Variants in ITPRID1 observed in about 807,000 individuals in gnomAD.
ITPRID1 encodes the protein protein ITPRID1.
Under a neutral mutation model 95.4 loss-of-function variants are expected in ITPRID1, and 96 were observed. The ratio of observed to expected loss-of-function variants is 1.01; its 90% CI spans 0.85 to 1.19. The LOEUF is 1.19. Among genes scored for constraint, ITPRID1 ranks in the 50% most tolerant of loss-of-function variants. ITPRID1 has a pLI of 0.00. For missense variants in ITPRID1, 1,339 were observed against 1,252.9 expected (o/e 1.07, Z -1.04); for synonymous variants, 510 against 453.6 (o/e 1.12, Z -1.58).
intron 10 of ITPRID1, among the ~76,000 whole-genome samples, chr7:31,625,450 T>G (rs1231920322): frequency 5.3e-5 from 8 of 152,182 alleles, no homozygotes; most frequent in East Asian, 1.9e-4. Flanking sequence ...CCATAAAAAA[T>G]GATGAGTTCA....
intron 10 of ITPRID1, 28 bp downstream of exon 10, chr7:31,583,219 C>T (rs1161416479): frequency 1.4e-6 from 2 of 1,473,570 alleles, no homozygotes; most frequent in African/African-American, 1.4e-5. Context: ...TGTGTGATCT[C>T]ATCAATGGTC....
intron 10 of ITPRID1, among the ~76,000 whole-genome samples, chr7:31,596,315 T>C (rs890198805): frequency 1.5e-4 from 23 of 151,494 alleles, no homozygotes; most frequent in Non-Finnish European, 3.4e-4. Context: ...TTCTTGTTTA[T>C]GTAAGTATTT....
intron 10 of ITPRID1, among the ~76,000 whole-genome samples, chr7:31,598,145 A>G (rs1308073267): frequency 6.6e-6 from 1 of 152,204 alleles, no homozygotes. Flanking sequence ...AAAGTAAGGC[A>G]TTGGTACTTA....
At chr7:31,552,127 A>G (rs1307512325) in intron 2 of ITPRID1, among the ~76,000 whole-genome samples, 1 of 142,932 alleles carries the variant, frequency 7.0e-6, no homozygotes, top group African/African-American at 2.5e-5. Context: ...TCCTGCTCTT[A>G]CTCTGCTAGT....
intron 6 of ITPRID1, 41 bp from the exon 7 acceptor site, chr7:31,572,061 T>C: frequency 7.5e-7 from 1 of 1,325,562 alleles, no homozygotes; most frequent in Non-Finnish European, 1.1e-6. Context: ...GGAGACTATC[T>C]AAATCAACAC....
At chr7:31,590,510 A>G (rs1785818754) in intron 10 of ITPRID1, among the ~76,000 whole-genome samples, 1 of 152,330 alleles carries the variant, frequency 6.6e-6, no homozygotes, top group South Asian at 2.1e-4. Flanking sequence ...TACAAAGTCA[A>G]TATGTGGCAA....
At chr7:31,572,766 T>C (rs1048495828) in intron 7 of ITPRID1, among the ~76,000 whole-genome samples, 14 of 152,194 alleles carry the variant, frequency 9.2e-5, no homozygotes, top group African/African-American at 3.4e-4. Context: ...AAGTTAATGA[T>C]ATTTTCATGA....
chr7:31,611,600 A>G (rs999687508), intron 10 of ITPRID1, among the ~76,000 whole-genome samples: 5 of 144,132 alleles, frequency 3.5e-5, no homozygotes, highest in African/African-American at 1.3e-4. Context: ...AGAATTCTAT[A>G]TTCTATATTC....
In ITPRID1 at chr7:31,651,232, C is replaced by G. The variant is rs1383587539; in HGVS notation, c.2674C>G (p.Gln892Glu). Residue 892 changes from glutamine to glutamate, a missense_variant, in exon 13 of 15, where the codon CAG (glutamine) becomes GAG (glutamate). By Grantham distance (29) the Gln-to-Glu change is conservative. Coordinates refer to ENST00000615280, the MANE Select transcript of ITPRID1 (RefSeq NM_001257967.3). ...AATTGAACAGCACCTTATGGGACAG[C>G]AGGCCCTCTTTTCCAGGGACATGTC... is the stretch of plus-strand genomic sequence containing the variant. ...EEIEQHLMGQ[Q>E]ALFSRDMSEE... 1.2e-6 allele frequency: 2 copies of G among 1,613,426 alleles called. No homozygotes were observed. Among genetic ancestry groups the G allele is most frequent in the Non-Finnish European group, 1.7e-6 (2 of 1,179,596 alleles).
intron 10 of ITPRID1, among the ~76,000 whole-genome samples, chr7:31,592,072 T>G (rs1208663555): frequency 2.0e-5 from 3 of 152,084 alleles, no homozygotes; most frequent in Non-Finnish European, 2.9e-5. Flanking sequence ...TTTAGAAGGG[T>G]AAGAAAATGT....
chr7:31,637,942 G>A (rs188036111), intron 10 of ITPRID1, among the ~76,000 whole-genome samples: 1 of 152,250 alleles, frequency 6.6e-6, no homozygotes, highest in African/African-American at 2.4e-5. Context: ...TCCAGTTTCA[G>A]CTTTCTACAG....
chr7:31,600,958 A>C (rs1786368121), intron 10 of ITPRID1, among the ~76,000 whole-genome samples: 1 of 152,070 alleles, frequency 6.6e-6, no homozygotes, highest in Non-Finnish European at 1.5e-5. Context: ...CAAGATTCCT[A>C]GTGGGTTGGG....
chr7:31,559,481 C>T (rs570418658), intron 5 of ITPRID1, among the ~76,000 whole-genome samples: 2 of 152,136 alleles, frequency 1.3e-5, no homozygotes, highest in African/African-American at 2.4e-5. Flanking sequence ...GCCAACATGG[C>T]AAAATCCTGT....
chr7:31,628,607 G>A (rs1489057985), intron 10 of ITPRID1, among the ~76,000 whole-genome samples: 17 of 151,916 alleles, frequency 1.1e-4, no homozygotes, highest in Admixed American at 6.6e-5. Context: ...ACAGGCGCCC[G>A]CCACCACGCC....
At chr7:31,599,857 G>A (rs1385527691) in intron 10 of ITPRID1, among the ~76,000 whole-genome samples, 2 of 151,600 alleles carry the variant, frequency 1.3e-5, no homozygotes, top group South Asian at 2.1e-4. Flanking sequence ...CACCACGCCC[G>A]GCTAAGTTTT....
chr7:31,649,427 A>G (rs1790764571), intron 12 of ITPRID1, among the ~76,000 whole-genome samples: 1 of 152,204 alleles, frequency 6.6e-6, no homozygotes, highest in Admixed American at 6.5e-5. Context: ...CCTTTAAAGC[A>G]CACCACAGAA....
intron 1 of ITPRID1, among the ~76,000 whole-genome samples, chr7:31,531,830 T>A (rs924928225): frequency 2.6e-5 from 4 of 151,794 alleles, no homozygotes; most frequent in Non-Finnish European, 5.9e-5. Context: ...GACTCTGATG[T>A]TGATCATTAG....
At chr7:31,568,179 T>A (rs780815855) in intron 5 of ITPRID1, among the ~76,000 whole-genome samples, 4 of 152,056 alleles carry the variant, frequency 2.6e-5, no homozygotes, top group Non-Finnish European at 5.9e-5. Flanking sequence ...CCAGTCTTTA[T>A]CCTTCTAGAC....
At position 31,516,699 on chromosome 7, in the gene ITPRID1, T is replaced by G. The variant is rs572017873; in HGVS notation, c.-98+2579T>G. On this transcript the variant is annotated intron_variant, in intron 1 of 14. Coordinates refer to ENST00000615280, the MANE Select transcript of ITPRID1 (RefSeq NM_001257967.3). ...ACTCAATTAGAGCCTATGTGTCCAT[T>G]TGCACTTTCTACAACAGAAGTTTTT... is the stretch of plus-strand genomic sequence containing the variant. Among the ~76,000 whole-genome samples, 4 of 152,306 alleles carry G rather than the reference T, an allele frequency of 2.6e-5. No individual in the cohort carries two copies. The South Asian group carries it at 8.3e-4, about 32-fold the overall frequency.
Sources: allele counts gnomAD v4.1 joint callset (sites outside exome capture counted in the v4.1 genomes callset), GRCh38; gene constraint gnomAD v4.1.1; transcripts MANE v1.5; gene names NCBI Gene and HGNC (gene_info 2026-07-23, HGNC 2026-07-21).